The following VPS13D variants were observed in gnomAD, a reference collection of about 807,000 sequenced individuals.
The protein encoded by VPS13D is intermembrane lipid transfer protein VPS13D.
Under a neutral mutation model 461.9 loss-of-function variants are expected in VPS13D, and 187 were observed. The ratio of observed to expected loss-of-function variants is 0.40; its 90% CI spans 0.36 to 0.46. VPS13D has a LOEUF of 0.46. Ranked by LOEUF, VPS13D falls within the 20% of genes least tolerant of loss-of-function variation. The pLI, the probability that VPS13D is intolerant of heterozygous loss-of-function variation, is 0.60. For missense variants in VPS13D, 4,711 were observed against 5,364.9 expected (o/e 0.88, Z 3.81); for synonymous variants, 1,951 against 1,986.3 (o/e 0.98, Z 0.47).
rs567704095 is a variant in VPS13D at position 12,376,759 on chromosome 1, T to G, written c.10918-1669T>G. Among the ~76,000 whole-genome samples the G allele has an allele frequency of 2.0e-5, 3 of 152,334 alleles. No individual in the cohort carries two copies. In the South Asian group the frequency reaches 6.2e-4, roughly 32 times the overall value. On this transcript the variant is annotated intron_variant, in intron 55 of 69. Transcript: ENST00000620676. ...GTTTGTGGTACCCTGATGTGTCTGA[T>G]GCTCTGGAGGAGTTCCTGCCTAGTG...
intron 50 of VPS13D, among the ~76,000 whole-genome samples, chr1:12,361,883 G>T (rs1486643457): frequency 6.6e-6 from 1 of 152,078 alleles, no homozygotes; most frequent in Non-Finnish European, 1.5e-5. Context: ...TTTTGAGACG[G>T]AGTCTCACAC....
At chr1:12,313,299 CTTTTTTTTTTTTTTTTT>C (rs765170972) in intron 29 of VPS13D, among the ~76,000 whole-genome samples, 1 of 117,604 alleles carries the variant, frequency 8.5e-6, no homozygotes, top group South Asian at 2.7e-4. Flanking sequence ...TTATTCTTTC[CTTTTTTTTTTTTTTTTT>C]TTTTTTTTTA....
At chr1:12,385,544 GACA>G (rs1243320110) in intron 59 of VPS13D, among the ~76,000 whole-genome samples, 171 bp downstream of exon 59, 5 of 152,136 alleles carry the variant, frequency 3.3e-5, no homozygotes, top group African/African-American at 1.2e-4. Flanking sequence ...TTATGTAAAT[GACA>G]ACAAAGTTTA....
At chr1:12,280,785 G>A (rs369193742) in intron 20 of VPS13D, among the ~76,000 whole-genome samples, 14 of 152,038 alleles carry the variant, frequency 9.2e-5, no homozygotes, top group African/African-American at 2.7e-4. Context: ...CACCATGCCC[G>A]GCCTATGTTG....
intron 55 of VPS13D, among the ~76,000 whole-genome samples, chr1:12,375,591 C>T (rs1261171457): frequency 5.3e-5 from 8 of 152,144 alleles, no homozygotes; most frequent in African/African-American, 1.7e-4. Context: ...CCTCCGTCAC[C>T]ACAGTTGTCC....
intron 17 of VPS13D, 47 bp from the exon 18 acceptor site, chr1:12,272,956 C>A (rs746217456): frequency 6.3e-7 from 1 of 1,598,262 alleles, no homozygotes. Flanking sequence ...ATGGATAAAG[C>A]TGTTGGGTTT....
At chr1:12,239,299 C>T (rs995576783) in intron 2 of VPS13D, among the ~76,000 whole-genome samples, 3 of 152,018 alleles carry the variant, frequency 2.0e-5, no homozygotes, top group African/African-American at 4.8e-5. Context: ...ACCATAGGTC[C>T]GGCTATTTGT....
chr1:12,262,777 C>T (rs1470382984), intron 13 of VPS13D, among the ~76,000 whole-genome samples: 1 of 151,250 alleles, frequency 6.6e-6, no homozygotes, highest in East Asian at 1.9e-4. Flanking sequence ...GATCTTGGCT[C>T]ACTGCAACCT....
Position 12,279,719 on chromosome 1 carries a change from A to G in VPS13D, c.4602+69A>G. ...TACTCTATAAATATGATATATATTTATGTATATTACATGTTGGAAGGAATA... is the reference window on the plus strand; with the variant it reads ...TACTCTATAAATATGATATATATTTGTGTATATTACATGTTGGAAGGAATA... On this transcript the variant is annotated intron_variant, in intron 20 of 69. Transcript: ENST00000620676. The surrounding 1 kb of genome is among the most constrained non-coding windows in gnomAD (Gnocchi z 4.3). The G allele has an allele frequency of 7.7e-7, 1 of 1,294,802 alleles. No homozygotes were observed. Among genetic ancestry groups the G allele is most frequent in the Non-Finnish European group, 1.0e-6 (1 of 970,086 alleles). 80.2% of individuals were successfully genotyped at this position (1,294,802 alleles called of 1,614,324 possible). A position where few individuals can be genotyped will look rare whatever the true frequency, so the allele number is the denominator to read the frequency against.
At chr1:12,437,395 C>G (rs1645075825) in intron 65 of VPS13D, among the ~76,000 whole-genome samples, 1 of 152,188 alleles carries the variant, frequency 6.6e-6, no homozygotes, top group African/African-American at 2.4e-5. Context: ...ATTCTTTGTG[C>G]TTTCCTGTGC....
At chr1:12,316,213 G>A (rs1243040752) in intron 30 of VPS13D, among the ~76,000 whole-genome samples, 1 of 152,126 alleles carries the variant, frequency 6.6e-6, no homozygotes, top group Non-Finnish European at 1.5e-5. Context: ...AATATACAGG[G>A]AGCCTGGAAA....
chr1:12,507,122 G>C lies in VPS13D; in HGVS notation c.13035+29G>C. The C allele has an allele frequency of 1.2e-6, 2 of 1,613,140 alleles. No homozygotes were observed. Among genetic ancestry groups the C allele is most frequent in the Non-Finnish European group, 1.7e-6 (2 of 1,179,440 alleles). On this transcript the variant is annotated intron_variant, in intron 69 of 69. Transcript: ENST00000620676. The surrounding 1 kb of genome is among the most constrained non-coding windows in gnomAD (Gnocchi z 5.3). ...AGTGCCTGGCTGTTCTCAGGCTCCT[G>C]AGGGGCGGGGCCAGGGCCTCGATGC...
At chr1:12,323,854 C>A in intron 35 of VPS13D, 74 bp downstream of exon 35, 1 of 1,485,790 alleles carries the variant, frequency 6.7e-7, no homozygotes, top group Non-Finnish European at 9.4e-7. Context: ...TCTCTTACTT[C>A]CACAAGGTGA....
intron 65 of VPS13D, among the ~76,000 whole-genome samples, chr1:12,422,746 G>A (rs1031223403): frequency 2.0e-5 from 3 of 152,038 alleles, no homozygotes; most frequent in African/African-American, 7.2e-5. Context: ...GCTCTATTCT[G>A]CCAATCAGGA....
At chr1:12,327,921 CTT>C (rs368337255) in intron 36 of VPS13D, 67 bp downstream of exon 36, 488 of 1,195,716 alleles carry the variant, frequency 4.1e-4, no homozygotes, top group Admixed American at 6.4e-4. Flanking sequence ...TATTTGGGGC[CTT>C]TTTTTTTTTG....
At chr1:12,233,381 G>T (rs551313632) in intron 1 of VPS13D, among the ~76,000 whole-genome samples, 9 of 152,284 alleles carry the variant, frequency 5.9e-5, no homozygotes, top group African/African-American at 2.2e-4. Flanking sequence ...CTTAACATTG[G>T]CTCTGTTGAC....
chr1:12,244,664 C>T (rs1640490019), intron 5 of VPS13D, 47 bp downstream of exon 5: 1 of 1,557,964 alleles, frequency 6.4e-7, no homozygotes, highest in Admixed American at 1.7e-5. Context: ...AAAGGGATTT[C>T]TCAGGTTTAA....
chr1:12,441,853 G>T (rs953366103), intron 65 of VPS13D, among the ~76,000 whole-genome samples: 1 of 152,158 alleles, frequency 6.6e-6, no homozygotes, highest in African/African-American at 2.4e-5. Flanking sequence ...CTTGATCAGA[G>T]AGTATTTTTT....
intron 67 of VPS13D, among the ~76,000 whole-genome samples, chr1:12,489,513 G>A (rs776148181): frequency 1.3e-5 from 2 of 152,188 alleles, no homozygotes; most frequent in Non-Finnish European, 2.9e-5. Flanking sequence ...ATGCATGTAT[G>A]ACTTGAGAAC....
Sources: gnomAD v4.1 joint callset for allele counts (sites outside exome capture counted in the v4.1 genomes callset) on GRCh38, gnomAD v4.1.1 for gene constraint, Gnocchi (gnomAD v3.1) non-coding constraint, MANE v1.5 for transcripts, NCBI Gene and HGNC (gene_info 2026-07-23, HGNC 2026-07-21) for gene names.